The following AK9 variants were observed in gnomAD, a reference collection of about 807,000 sequenced individuals.
AK9 encodes adenylate kinase domain containing 1.
In AK9, 191 loss-of-function variants were observed where a neutral mutation model predicts 239.6. The observed-to-expected ratio is 0.80, with a 90% CI of 0.71 to 0.90. AK9 has a LOEUF of 0.90. Among genes scored for constraint, AK9 ranks in the 40% least tolerant of loss-of-function variants. The pLI is 0.00. For missense variants in AK9, 1,995 were observed against 2,214.7 expected (o/e 0.90, Z 1.99); for synonymous variants, 689 against 721.0 (o/e 0.96, Z 0.71).
Position 109,533,242 on chromosome 6 carries a change from G to C in AK9, c.3570+9C>G. On this transcript the variant is annotated intron_variant, in intron 28 of 40. Transcript: ENST00000424296. ...AGATTTATTCAATGCATTTTTGCTA[G>C]ATACATACCCTGATTTTTGCCTTCA... The C allele has an allele frequency of 6.3e-7, 1 of 1,585,022 alleles. No individual in the cohort carries two copies.
chr6:109,525,778 C>T (rs1166577252), intron 29 of AK9, among the ~76,000 whole-genome samples: 1 of 152,204 alleles, frequency 6.6e-6, no homozygotes, highest in African/African-American at 2.4e-5. Flanking sequence ...TTTAACTCAG[C>T]AATCCCATTA....
chr6:109,605,738 G>A (rs1436444997), intron 17 of AK9, among the ~76,000 whole-genome samples: 1 of 152,202 alleles, frequency 6.6e-6, no homozygotes, highest in Non-Finnish European at 1.5e-5. Flanking sequence ...AAGCTGAGGT[G>A]AGGAAAGGTT....
intron 10 of AK9, among the ~76,000 whole-genome samples, chr6:109,635,308 G>C (rs1796580347): frequency 6.6e-6 from 1 of 152,096 alleles, no homozygotes; most frequent in African/African-American, 2.4e-5. Flanking sequence ...GGTATGGGAG[G>C]GGTAAGAACA....
chr6:109,649,034 T>A (rs1798521838), intron 8 of AK9, among the ~76,000 whole-genome samples: 1 of 152,156 alleles, frequency 6.6e-6, no homozygotes, highest in Non-Finnish European at 1.5e-5. Flanking sequence ...TTTGACAAAA[T>A]TCAACAACCG....
chr6:109,529,731 T>C (rs887652524), intron 28 of AK9, among the ~76,000 whole-genome samples: 1 of 152,218 alleles, frequency 6.6e-6, no homozygotes, highest in Non-Finnish European at 1.5e-5. Flanking sequence ...CTCATGAGTG[T>C]GCAACCTAGA....
chr6:109,627,189 A>C (rs1795637783), intron 12 of AK9, among the ~76,000 whole-genome samples: 1 of 130,912 alleles, frequency 7.6e-6, no homozygotes. Context: ...CAGGATTATC[A>C]ATATCACTGT....
intron 25 of AK9, 65 bp downstream of exon 25, chr6:109,550,025 T>C: frequency 6.7e-7 from 1 of 1,482,078 alleles, no homozygotes; most frequent in Admixed American, 1.9e-5. Context: ...AAATTGATGG[T>C]GATTGGTAAT....
At chr6:109,506,202 G>A (rs942897521) in intron 35 of AK9, 125 bp downstream of exon 35, 9 of 792,588 alleles carry the variant, frequency 1.1e-5, no homozygotes, top group Admixed American at 2.3e-5. Flanking sequence ...TGGATAATAA[G>A]TATTGAAATA....
intron 12 of AK9, among the ~76,000 whole-genome samples, chr6:109,627,305 A>G (rs1575109): frequency 0.58 from 88,447 of 151,792 alleles, 27,455 homozygotes; most frequent in South Asian, 0.84. Flanking sequence ...TCTCCTGAAG[A>G]ACCTGCCTGA....
intron 10 of AK9, among the ~76,000 whole-genome samples, chr6:109,641,179 T>G (rs1404310096): frequency 6.8e-6 from 1 of 147,920 alleles, no homozygotes; most frequent in Non-Finnish European, 1.5e-5. Flanking sequence ...ATATATATAA[T>G]TTTTTTTCAG....
intron 32 of AK9, among the ~76,000 whole-genome samples, chr6:109,510,402 C>CCTCTCTG (rs1778606768): frequency 6.6e-6 from 1 of 151,970 alleles, no homozygotes; most frequent in Non-Finnish European, 1.5e-5. Context: ...AGAGGATACT[C>CCTCTCTG]CTCTCTGCTG....
chr6:109,668,409 T>C (rs960918877), intron 5 of AK9, among the ~76,000 whole-genome samples: 5 of 151,932 alleles, frequency 3.3e-5, no homozygotes, highest in Non-Finnish European at 7.4e-5. Context: ...TAATTAGATT[T>C]CATTTGTCAA....
At chr6:109,672,589 C>T (rs1029137453) in intron 3 of AK9, among the ~76,000 whole-genome samples, 12 of 151,924 alleles carry the variant, frequency 7.9e-5, no homozygotes, top group African/African-American at 2.4e-4. Flanking sequence ...AGGAAGCTGA[C>T]GTGGGGTGAT....
At chr6:109,610,263 T>A (rs1474788418) in intron 17 of AK9, 102 bp downstream of exon 17, 1 of 1,378,024 alleles carries the variant, frequency 7.3e-7, no homozygotes, top group Admixed American at 2.4e-5. Flanking sequence ...GGCTACAAAT[T>A]TCAACATCAT....
chr6:109,633,709 C>T lies in AK9; in HGVS notation c.934-386G>A, dbSNP rs369971282. On this transcript the variant is annotated intron_variant, in intron 10 of 40. Transcript: ENST00000424296. ...TTATTAAAAATTTTGGAAAATGTAC[C>T]AGATTCTTAGCTAATTTACCTTGGC... is the stretch of plus-strand genomic sequence containing the variant. Among the ~76,000 whole-genome samples, 217 of 152,132 alleles carry T rather than the reference C, an allele frequency of 1.4e-3. 1 individual carries two copies. The highest frequency in any genetic ancestry group is 4.7e-3 in the African/African-American group (195 of 41,504).
intron 5 of AK9, 67 bp from the exon 6 acceptor site, chr6:109,662,730 A>T: frequency 4.5e-6 from 3 of 664,818 alleles, no homozygotes; most frequent in Non-Finnish European, 6.2e-6. Flanking sequence ...TGGATTTATT[A>T]TATTATATAT....
chr6:109,530,912 G>A (rs1169416677), intron 28 of AK9, among the ~76,000 whole-genome samples: 1 of 152,064 alleles, frequency 6.6e-6, no homozygotes, highest in Non-Finnish European at 1.5e-5. Flanking sequence ...GCATGGTGGT[G>A]CATGCCTGTA....
rs546613387 is a variant in AK9 at position 109,495,023 on chromosome 6, T to C, written c.5418+315A>G. Reference sequence around the variant, plus strand: ...GACTGAATCTGCACATTTCAAATTATGAAAAGTTTCACAGACATTGAAATT... The same window carrying C: ...GACTGAATCTGCACATTTCAAATTACGAAAAGTTTCACAGACATTGAAATT... On this transcript the variant is annotated intron_variant, in intron 39 of 40. Transcript: ENST00000424296. Among the ~76,000 whole-genome samples the C allele has an allele frequency of 4.6e-5, 7 of 152,336 alleles. No individual in the cohort carries two copies. The East Asian group carries it at 1.3e-3, about 29-fold the overall frequency.
chr6:109,548,957 G>A (rs1783958866), intron 25 of AK9, among the ~76,000 whole-genome samples: 1 of 152,166 alleles, frequency 6.6e-6, no homozygotes, highest in East Asian at 1.9e-4. Flanking sequence ...CATGGCAACA[G>A]CTTTATTTTT....
Sources: allele counts gnomAD v4.1 joint callset (sites outside exome capture counted in the v4.1 genomes callset), GRCh38; gene constraint gnomAD v4.1.1; transcripts MANE v1.5; gene names NCBI Gene and HGNC (gene_info 2026-07-23, HGNC 2026-07-21).